SNTB1: variants seen among roughly 807,000 people sequenced by gnomAD.
The protein encoded by SNTB1 is beta-1-syntrophin.
A neutral mutation model predicts 48.9 loss-of-function variants in SNTB1; 36 were observed. The observed-to-expected ratio is 0.74, with a 90% confidence interval of 0.56 to 0.97. SNTB1 has a LOEUF of 0.97. Among genes scored for constraint, SNTB1 ranks in the 50% least tolerant of loss-of-function variants. The pLI is 0.00. For missense variants in SNTB1, 786 were observed against 703.4 expected, an observed-to-expected ratio of 1.12 and a Z score of -1.33; for synonymous variants, 299 against 294.6, an observed-to-expected ratio of 1.01 and a Z score of -0.15.
At chr8:120,735,782 C>A (rs1463397051) in intron 1 of SNTB1, among the ~76,000 whole-genome samples, 4 of 152,086 alleles carry the variant, frequency 2.6e-5, no homozygotes, top group African/African-American at 7.2e-5. Flanking sequence ...ACTAATACAC[C>A]AGGGAACAAA....
chr8:120,711,969 A>T (rs1818470565), intron 1 of SNTB1, among the ~76,000 whole-genome samples: 1 of 152,204 alleles, frequency 6.6e-6, no homozygotes, highest in South Asian at 2.1e-4. Context: ...ACACACTATA[A>T]TATTCTAATT....
intron 1 of SNTB1, among the ~76,000 whole-genome samples, chr8:120,737,606 T>G (rs74568323): frequency 2.0e-5 from 3 of 151,680 alleles, no homozygotes; most frequent in Admixed American, 1.3e-4. Context: ...AGTTCAGGAG[T>G]CACTTAGGAG....
chr8:120,803,606 C>T (rs1289787035), intron 1 of SNTB1, among the ~76,000 whole-genome samples: 1 of 152,134 alleles, frequency 6.6e-6, no homozygotes, highest in Non-Finnish European at 1.5e-5. Context: ...AAGCTTTTCA[C>T]AAATATGGAG....
chr8:120,596,546 GC>G (rs78998850), intron 3 of SNTB1, among the ~76,000 whole-genome samples: 27,484 of 152,122 alleles, frequency 0.18, 3,024 homozygotes, highest in East Asian at 0.44. Context: ...CTGTCTGGAG[GC>G]CCTAGAGGAG....
At chr8:120,650,905 T>C (rs778594581) in intron 2 of SNTB1, among the ~76,000 whole-genome samples, 10 of 152,186 alleles carry the variant, frequency 6.6e-5, no homozygotes, top group Non-Finnish European at 1.5e-4. Context: ...TTATGACTTA[T>C]TGGATTCAGA....
At chr8:120,745,458 A>G (rs564186889) in intron 1 of SNTB1, among the ~76,000 whole-genome samples, 1 of 152,260 alleles carries the variant, frequency 6.6e-6, no homozygotes, top group Admixed American at 6.5e-5. Flanking sequence ...CCAGAAGAGA[A>G]GCAGAATTAC....
intron 3 of SNTB1, among the ~76,000 whole-genome samples, chr8:120,581,852 C>T (rs1370233843): frequency 6.6e-6 from 1 of 152,000 alleles, no homozygotes; most frequent in East Asian, 1.9e-4. Context: ...GCCAGCCTGG[C>T]CAACAAGATG....
At chr8:120,716,118 G>A (rs115514893) in intron 1 of SNTB1, among the ~76,000 whole-genome samples, 224 of 152,254 alleles carry the variant, frequency 1.5e-3, no homozygotes, top group African/African-American at 5.2e-3. Flanking sequence ...CATCCCGGTC[G>A]TTTTAGGGCT....
chr8:120,563,257 A>C (rs1815692182), intron 4 of SNTB1, among the ~76,000 whole-genome samples: 1 of 151,816 alleles, frequency 6.6e-6, no homozygotes, highest in Non-Finnish European at 1.5e-5. Flanking sequence ...GACCAAAAAA[A>C]CCAACACTCT....
intron 3 of SNTB1, among the ~76,000 whole-genome samples, chr8:120,626,599 A>G (rs993341684): frequency 1.3e-5 from 2 of 152,176 alleles, no homozygotes; most frequent in African/African-American, 2.4e-5. Flanking sequence ...CTCCTCATCT[A>G]ACTTATAATA....
intron 2 of SNTB1, among the ~76,000 whole-genome samples, chr8:120,668,946 T>C (rs948083484): frequency 1.3e-5 from 2 of 152,140 alleles, no homozygotes; most frequent in Non-Finnish European, 2.9e-5. Context: ...CAACTTCAGA[T>C]AGGAGAAAAT....
intron 1 of SNTB1, among the ~76,000 whole-genome samples, chr8:120,805,873 C>T (rs186933880): frequency 6.9e-4 from 105 of 152,304 alleles, no homozygotes; most frequent in Admixed American, 2.2e-3. Context: ...AGCTATAAGG[C>T]CTGTGCTTGA....
At chr8:120,780,980 T>G (rs1170313417) in intron 1 of SNTB1, among the ~76,000 whole-genome samples, 8 of 152,224 alleles carry the variant, frequency 5.3e-5, no homozygotes, top group African/African-American at 1.4e-4. Context: ...CTTGAGTAAT[T>G]AAGCCAAACA....
At chr8:120,689,950 G>A (rs1001994211) in intron 2 of SNTB1, among the ~76,000 whole-genome samples, 5 of 152,104 alleles carry the variant, frequency 3.3e-5, no homozygotes, top group Non-Finnish European at 7.4e-5. Flanking sequence ...TAAAGAGTTC[G>A]CAATGTATTC....
rs117463181 is a variant in SNTB1, at chr8:120,609,129, T to A, written c.996+23315A>T. On this transcript the variant is annotated intron_variant, in intron 3 of 6. Coordinates refer to ENST00000517992, the MANE Select transcript of SNTB1 (RefSeq NM_021021.4). ...GACTACTAAAAGAGCAGATATAGACTGCATAGTAAGTCTTATTCCAAAATC... is the reference window on the plus strand; with the variant it reads ...GACTACTAAAAGAGCAGATATAGACAGCATAGTAAGTCTTATTCCAAAATC... 4.8e-3 allele frequency among the ~76,000 whole-genome samples: 736 copies of A among 152,246 alleles called. 3 individuals carry two copies. Among genetic ancestry groups the A allele is most frequent in the Non-Finnish European group, 7.0e-3 (476 of 68,012 alleles).
intron 2 of SNTB1, among the ~76,000 whole-genome samples, chr8:120,679,354 C>T (rs1315927866): frequency 3.9e-5 from 6 of 152,162 alleles, no homozygotes; most frequent in Non-Finnish European, 7.3e-5. Flanking sequence ...TGCAGTCGTA[C>T]TCTAAGTCTC....
intron 2 of SNTB1, 74 bp from the exon 3 acceptor site, chr8:120,632,725 G>A: frequency 7.9e-7 from 1 of 1,269,938 alleles, no homozygotes; most frequent in Non-Finnish European, 1.1e-6. Flanking sequence ...GGTCACAAAG[G>A]TGAATTAATT....
intron 2 of SNTB1, among the ~76,000 whole-genome samples, chr8:120,646,608 A>G (rs939755442): frequency 1.1e-4 from 16 of 151,840 alleles, no homozygotes; most frequent in African/African-American, 3.9e-4. Flanking sequence ...TTCATCAAGG[A>G]TATTGGTCTA....
Position 120,694,273 on chromosome 8 carries a change from T to C in SNTB1, c.572-365A>G, listed in dbSNP as rs552818373. On this transcript the variant is annotated intron_variant, in intron 1 of 6. Transcript: ENST00000517992. ...AGGCTAAAAGATACGTTATTCAATA[T>C]AGATGTAAGGAATATGGCAGCCACA... 3.9e-4 allele frequency among the ~76,000 whole-genome samples: 59 copies of C among 152,184 alleles called. 1 individual carries two copies. Among genetic ancestry groups the C allele is most frequent in the Admixed American group, 1.3e-4 (2 of 15,278 alleles).
Sources: gnomAD v4.1 joint callset for allele counts (sites outside exome capture counted in the v4.1 genomes callset) on GRCh38, gnomAD v4.1.1 for gene constraint, MANE v1.5 for transcripts, NCBI Gene and HGNC (gene_info 2026-07-23, HGNC 2026-07-21) for gene names.